Variants in CDK5RAP2 observed in about 807,000 individuals in gnomAD.
CDK5RAP2 encodes the protein CDK5 regulatory subunit-associated protein 2.
Under a neutral mutation model 232.9 loss-of-function variants are expected in CDK5RAP2, and 147 were observed. The observed-to-expected ratio is 0.63, with a 90% CI of 0.55 to 0.72. CDK5RAP2 has a LOEUF of 0.72. Ranked by LOEUF, CDK5RAP2 falls within the 30% of genes least tolerant of loss-of-function variation. The pLI, the probability that CDK5RAP2 is intolerant of heterozygous loss-of-function variation, is 0.00. For synonymous variants in CDK5RAP2, 833 were observed against 833.7 expected, an observed-to-expected ratio of 1.00 and a Z score of 0.01; for missense variants, 2,195 against 2,231.5, an observed-to-expected ratio of 0.98 and a Z score of 0.33.
intron 6 of CDK5RAP2, 125 bp from the exon 7 acceptor site, chr9:120,536,651 G>C (rs1432609705): frequency 2.2e-6 from 2 of 921,190 alleles, no homozygotes; most frequent in South Asian, 2.8e-5. Context: ...TCCCTGAATT[G>C]TACTATACAT....
At chr9:120,441,915 C>T (rs1296398352) in intron 23 of CDK5RAP2, among the ~76,000 whole-genome samples, 2 of 152,100 alleles carry the variant, frequency 1.3e-5, no homozygotes, top group African/African-American at 4.8e-5. Flanking sequence ...ATGTACTCAC[C>T]AAGTATTTCT....
Position 120,518,216 on chromosome 9 carries a change from AG to A in CDK5RAP2, c.1311+210del, listed in dbSNP as rs1564327896. Among the ~76,000 whole-genome samples the A allele has an allele frequency of 6.8e-4, 80 of 116,806 alleles. 1 individual carries two copies. Among genetic ancestry groups the A allele is most frequent in the African/African-American group, 2.9e-3 (76 of 26,274 alleles). 76.6% of individuals were successfully genotyped at this position (116,806 alleles called of 152,430 possible). A position where few individuals can be genotyped will look rare whatever the true frequency, so the allele number is the denominator to read the frequency against. On this transcript the variant is annotated intron_variant, in intron 12 of 37. Transcript: ENST00000349780. ...GTGTGTGTGTGTGTGTGTGTGAGAG[AG>A]AGAGAGAGAGAGAGAGAGAGAGAGA...
intron 7 of CDK5RAP2, among the ~76,000 whole-genome samples, chr9:120,533,424 C>G (rs1288424514): frequency 6.6e-6 from 1 of 152,146 alleles, no homozygotes; most frequent in Non-Finnish European, 1.5e-5. Flanking sequence ...CCCTCTCCCT[C>G]CACCCAAAAA....
chr9:120,555,854 G>C (rs2042208939), intron 3 of CDK5RAP2, among the ~76,000 whole-genome samples: 1 of 152,046 alleles, frequency 6.6e-6, no homozygotes, highest in South Asian at 2.1e-4. Flanking sequence ...CCATATGACA[G>C]AATAGTGCTC....
chr9:120,571,608 G>A (rs539096470), intron 2 of CDK5RAP2: 1 of 351,984 alleles, frequency 2.8e-6, no homozygotes, highest in South Asian at 2.3e-5. Context: ...TGCCAGGAAG[G>A]CCTTGGCACG....
At chr9:120,528,840 C>A (rs746349866) in intron 8 of CDK5RAP2, 43 bp from the exon 9 acceptor site, 3 of 1,344,510 alleles carry the variant, frequency 2.2e-6, no homozygotes, top group South Asian at 2.3e-5. Context: ...GACGTGCAAT[C>A]CAACAGCTTC....
chr9:120,512,129 G>C (rs1205940353), intron 12 of CDK5RAP2, among the ~76,000 whole-genome samples: 1 of 152,154 alleles, frequency 6.6e-6, no homozygotes, highest in Non-Finnish European at 1.5e-5. Flanking sequence ...TAGAAGGATT[G>C]CCTGAGGCCA....
At chr9:120,508,294 T>C (rs2039925073) in intron 12 of CDK5RAP2, among the ~76,000 whole-genome samples, 1 of 152,188 alleles carries the variant, frequency 6.6e-6, no homozygotes, top group African/African-American at 2.4e-5. Context: ...TGGAGCCTCA[T>C]TGCTCCTGCA....
At chr9:120,413,710 C>T (rs771515916) in intron 28 of CDK5RAP2, among the ~76,000 whole-genome samples, 3 of 151,966 alleles carry the variant, frequency 2.0e-5, no homozygotes, top group East Asian at 1.9e-4. Flanking sequence ...AGGGCCCAGG[C>T]GTGTATTTCT....
Position 120,539,122 on chromosome 9 carries a change from G to T in CDK5RAP2, c.426C>A (p.Ile142=). The change falls in exon 6 of 38, where the codon ATC becomes ATA. Residue 142 remains isoleucine (I), a synonymous_variant. Transcript: ENST00000349780. ...ESLAEAGGSE[I]QRVKEDARKK... is the part of the protein sequence containing the mutation. ...TTCGAGCATCTTCTTTCACCCGCTG[G>T]ATTTCAGAGCCACCTGCTTCAGCTA... 1 of 1,613,954 alleles carries T rather than the reference G, an allele frequency of 6.2e-7. No homozygotes were observed. Among genetic ancestry groups the T allele is most frequent in the East Asian group, 2.2e-5 (1 of 44,874 alleles).
At chr9:120,557,098 A>T (rs3933338) in intron 3 of CDK5RAP2, among the ~76,000 whole-genome samples, 126,719 of 152,236 alleles carry the variant, frequency 0.83, 54,111 homozygotes, top group Non-Finnish European at 0.93. Context: ...AGGTAAAGAA[A>T]TTTTTGTATA....
At position 120,403,509 on chromosome 9, in the gene CDK5RAP2, A is replaced by T; in HGVS notation, c.5042-438T>A. 1 of 284,138 alleles carries T rather than the reference A, an allele frequency of 3.5e-6. No individual in the cohort carries two copies. Among genetic ancestry groups the T allele is most frequent in the Non-Finnish European group, 6.8e-6 (1 of 147,622 alleles). 17.6% of individuals were successfully genotyped at this position (284,138 alleles called of 1,614,324 possible). ...GCTTCTGAGAAGGAGCAGCATTTGAACTGGATTGAGCAAGTAGCAAGAATT... is the reference window on the plus strand; with the variant it reads ...GCTTCTGAGAAGGAGCAGCATTTGATCTGGATTGAGCAAGTAGCAAGAATT... On this transcript the variant is annotated intron_variant, in intron 33 of 37. Transcript: ENST00000349780. This position sits in a 1 kb window ranked among gnomAD's most constrained non-coding sequence, Gnocchi z 4.2.
At chr9:120,479,057 C>A (rs2038170750) in intron 14 of CDK5RAP2, among the ~76,000 whole-genome samples, 2 of 152,076 alleles carry the variant, frequency 1.3e-5, no homozygotes, top group African/African-American at 4.8e-5. Context: ...AAAGGACACA[C>A]AGACCCAGTT....
At chr9:120,518,196 TGTGTGTGTGTGTGTGAGAGAGA>T (rs969149777) in intron 12 of CDK5RAP2, among the ~76,000 whole-genome samples, 2 of 104,446 alleles carry the variant, frequency 1.9e-5, no homozygotes, top group East Asian at 3.6e-4. Flanking sequence ...TGTGTGTGTG[TGTGTGTGTGTGTGTGAGAGAGA>T]GAGAGAGAGA....
chr9:120,397,683 T>A (rs1439957976), intron 35 of CDK5RAP2, among the ~76,000 whole-genome samples: 2 of 151,760 alleles, frequency 1.3e-5, no homozygotes, highest in African/African-American at 4.8e-5. Context: ...GATTGCTTCA[T>A]AATTTTCTTT....
chr9:120,458,625 G>C lies in CDK5RAP2; in HGVS notation c.2203-3C>G. 2 of 1,613,572 alleles carry C rather than the reference G, an allele frequency of 1.2e-6. No individual in the cohort carries two copies. Among genetic ancestry groups the C allele is most frequent in the South Asian group, 1.1e-5 (1 of 91,070 alleles). ...CCTTTGGAAAGGTCTTTCATAATCT[G>C]CAAATAAAAGTATTTGGTCAAATAA... On this transcript the variant is annotated splice_polypyrimidine_tract_variant and splice_region_variant and intron_variant, in intron 19 of 37. Coordinates refer to ENST00000349780, the MANE Select transcript of CDK5RAP2 (RefSeq NM_018249.6).
chr9:120,414,945 A>G, intron 28 of CDK5RAP2, 95 bp downstream of exon 28: 1 of 1,433,470 alleles, frequency 7.0e-7, no homozygotes. Context: ...ACATTTATCA[A>G]GCACCTGCTT....
At chr9:120,539,867 C>T (rs1402658864) in intron 5 of CDK5RAP2, among the ~76,000 whole-genome samples, 2 of 152,178 alleles carry the variant, frequency 1.3e-5, no homozygotes, top group African/African-American at 4.8e-5. Context: ...ACACTTCCAC[C>T]AGTGGTGCAA....
chr9:120,543,648 C>T (rs1039344318), intron 5 of CDK5RAP2, among the ~76,000 whole-genome samples: 5 of 152,136 alleles, frequency 3.3e-5, no homozygotes, highest in Admixed American at 2.6e-4. Flanking sequence ...CACATGAGGC[C>T]AGGGGTTCGA....
Sources: allele counts gnomAD v4.1 joint callset (sites outside exome capture counted in the v4.1 genomes callset), GRCh38; gene constraint gnomAD v4.1.1; non-coding constraint Gnocchi (gnomAD v3.1); transcripts MANE v1.5; gene names NCBI Gene and HGNC (gene_info 2026-07-23, HGNC 2026-07-21).